GRM8: variants seen among roughly 807,000 people sequenced by gnomAD.
The protein encoded by GRM8 is metabotropic glutamate receptor 8.
Under a neutral mutation model 87.2 loss-of-function variants are expected in GRM8, and 47 were observed. That is an observed-to-expected ratio of 0.54 (90% CI 0.43 to 0.69). GRM8 has a LOEUF of 0.69. Among genes scored for constraint, GRM8 ranks in the 30% least tolerant of loss-of-function variants. The pLI is 0.00. For synonymous variants in GRM8, 396 were observed against 404.5 expected (o/e 0.98, Z 0.25); for missense variants, 1,019 against 1,139.2 (o/e 0.89, Z 1.52).
chr7:126,531,217 C>G (rs1189183729), intron 9 of GRM8, among the ~76,000 whole-genome samples: 1 of 152,150 alleles, frequency 6.6e-6, no homozygotes, highest in Non-Finnish European at 1.5e-5. Context: ...ATTTCCATGA[C>G]TAAATAATTT....
Position 126,642,409 on chromosome 7 carries a change from C to T in GRM8, c.1358-32911G>A, listed in dbSNP as rs201863129. 2.2e-4 allele frequency among the ~76,000 whole-genome samples: 33 copies of T among 152,132 alleles called. No homozygotes were observed. In the East Asian group the frequency reaches 4.1e-3, roughly 19 times the overall value. On this transcript the variant is annotated intron_variant, in intron 7 of 10. Coordinates refer to ENST00000339582, the MANE Select transcript of GRM8 (RefSeq NM_000845.3). ...ATCCCAGCACTTTGGGAGGCTGAGG[C>T]GGGCAGATCACAAGGTCAGGAGATC...
At chr7:127,066,058 G>GA (rs1821075102) in intron 3 of GRM8, among the ~76,000 whole-genome samples, 1 of 63,326 alleles carries the variant, frequency 1.6e-5, no homozygotes, top group Non-Finnish European at 3.4e-5. Context: ...GGAATTTGAT[G>GA]ACTTTTTTCC....
Position 127,106,701 on chromosome 7 carries a change from G to T in GRM8, c.522C>A (p.Ile174=), listed in dbSNP as rs750088592. 2 of 1,608,592 alleles carry T rather than the reference G, an allele frequency of 1.2e-6. No homozygotes were observed. The highest frequency in any genetic ancestry group is 1.3e-5 in the African/African-American group (1 of 74,816). ...NILRLFKIPQ[I]SYASTAPELS... ...GCTCTGGGGCTGTGGATGCATAGCT[G>T]ATTTGAGGTATCTGCAAAACAAATG... Residue 174 remains isoleucine, a synonymous_variant, in exon 3 of 11, where the codon ATC becomes ATA. Coordinates refer to ENST00000339582, the MANE Select transcript of GRM8 (RefSeq NM_000845.3).
chr7:126,902,482 A>G (rs1288947606), intron 6 of GRM8, 60 bp downstream of exon 6: 16 of 1,340,856 alleles, frequency 1.2e-5, no homozygotes, highest in Non-Finnish European at 1.5e-5. Flanking sequence ...GTAATTTATC[A>G]AGTAATGAAA....
intron 8 of GRM8, among the ~76,000 whole-genome samples, chr7:126,564,704 G>A (rs1794043835): frequency 6.6e-6 from 1 of 152,058 alleles, no homozygotes; most frequent in South Asian, 2.1e-4. Context: ...AAACTGAAGA[G>A]GAGAGAACAC....
intron 3 of GRM8, among the ~76,000 whole-genome samples, chr7:126,978,783 C>T (rs1036167143): frequency 3.3e-5 from 5 of 152,194 alleles, no homozygotes; most frequent in Non-Finnish European, 7.3e-5. Context: ...AAAAGACTTT[C>T]TCTCATAAAG....
chr7:127,032,569 T>C (rs1284288698), intron 3 of GRM8, among the ~76,000 whole-genome samples: 1 of 152,184 alleles, frequency 6.6e-6, no homozygotes, highest in Non-Finnish European at 1.5e-5. Flanking sequence ...TAAAGGTTCA[T>C]TTACTGTCTC....
chr7:127,156,010 A>G (rs1792707421), intron 2 of GRM8, among the ~76,000 whole-genome samples: 1 of 152,158 alleles, frequency 6.6e-6, no homozygotes, highest in Non-Finnish European at 1.5e-5. Context: ...CCATTGTTGT[A>G]AGATGTGGCT....
intron 8 of GRM8, among the ~76,000 whole-genome samples, chr7:126,582,584 C>T (rs1585119339): frequency 6.6e-6 from 1 of 152,102 alleles, no homozygotes; most frequent in Non-Finnish European, 1.5e-5. Context: ...AAGAAGGGGC[C>T]ATCTAAGACT....
chr7:126,933,326 T>C (rs1019010834), intron 3 of GRM8, among the ~76,000 whole-genome samples: 1 of 152,190 alleles, frequency 6.6e-6, no homozygotes, highest in African/African-American at 2.4e-5. Context: ...AAATAGTACA[T>C]CCTGGAAAGA....
chr7:126,862,632 T>A (rs1446176604), intron 6 of GRM8, among the ~76,000 whole-genome samples: 1 of 152,032 alleles, frequency 6.6e-6, no homozygotes, highest in Non-Finnish European at 1.5e-5. Flanking sequence ...TACTACTAAT[T>A]TAATGCTTTA....
chr7:126,489,606 A>C (rs1459522345), intron 9 of GRM8, among the ~76,000 whole-genome samples: 12 of 152,058 alleles, frequency 7.9e-5, no homozygotes, highest in African/African-American at 2.9e-4. Flanking sequence ...ACAAAGAAAG[A>C]TCTTGTAAAA....
intron 6 of GRM8, among the ~76,000 whole-genome samples, chr7:126,771,441 C>A (rs548561806): frequency 6.6e-6 from 1 of 151,648 alleles, no homozygotes; most frequent in East Asian, 1.9e-4. Context: ...ATAGGTTTTC[C>A]GATTTTCTCA....
chr7:127,040,152 C>A (rs1010839037), intron 3 of GRM8, among the ~76,000 whole-genome samples: 6 of 150,380 alleles, frequency 4.0e-5, no homozygotes, highest in Non-Finnish European at 5.9e-5. Flanking sequence ...AGGTCTAAGG[C>A]AAGTTTTGCA....
At chr7:127,190,964 G>A (rs1024945686) in intron 2 of GRM8, among the ~76,000 whole-genome samples, 16 of 152,216 alleles carry the variant, frequency 1.1e-4, no homozygotes, top group African/African-American at 3.9e-4. Context: ...GAACGTTTAT[G>A]TAAGTCTATG....
chr7:126,754,806 T>C (rs1440724719), intron 7 of GRM8, among the ~76,000 whole-genome samples: 1 of 151,902 alleles, frequency 6.6e-6, no homozygotes, highest in Non-Finnish European at 1.5e-5. Context: ...ATTCTGGAGT[T>C]TGCAAAATAT....
At chr7:126,504,138 T>C (rs13243571) in intron 9 of GRM8, among the ~76,000 whole-genome samples, 20,951 of 152,028 alleles carry the variant, frequency 0.14, 1,640 homozygotes, top group South Asian at 0.18. Context: ...GGTGAGACAC[T>C]TTCAAAAGCC....
intron 8 of GRM8, among the ~76,000 whole-genome samples, chr7:126,581,003 A>G (rs1236144120): frequency 6.6e-6 from 1 of 152,014 alleles, no homozygotes; most frequent in Non-Finnish European, 1.5e-5. Flanking sequence ...CCCTAAACTT[A>G]TTTGACCAGG....
At chr7:126,712,404 T>C (rs192925948) in intron 7 of GRM8, among the ~76,000 whole-genome samples, 1 of 152,286 alleles carries the variant, frequency 6.6e-6, no homozygotes, top group East Asian at 1.9e-4. Flanking sequence ...TAATAAAAAC[T>C]TTTGAAATAT....
Sources: allele counts gnomAD v4.1 joint callset (sites outside exome capture counted in the v4.1 genomes callset), GRCh38; gene constraint gnomAD v4.1.1; transcripts MANE v1.5; gene names NCBI Gene and HGNC (gene_info 2026-07-23, HGNC 2026-07-21).